TAPT1: variants seen among roughly 807,000 people sequenced by gnomAD.
The protein encoded by TAPT1 is transmembrane anterior posterior transformation protein 1 homolog.
In TAPT1, 28 loss-of-function variants were observed where a neutral mutation model predicts 65.6. The ratio of observed to expected loss-of-function variants is 0.43; its 90% CI spans 0.32 to 0.59. TAPT1 has a LOEUF of 0.59. Ranked by LOEUF, TAPT1 falls within the 20% of genes least tolerant of loss-of-function variation. The probability of loss-of-function intolerance (pLI) is 0.09; values close to 1 mark genes in which losing one functional copy is unlikely to be tolerated. For synonymous variants in TAPT1, 278 were observed against 245.2 expected (o/e 1.13, Z -1.25); for missense variants, 563 against 679.9 (o/e 0.83, Z 1.91).
chr4:16,226,514 G>GCCCCCTCCCCGCCTCGCCCCGC (rs1751577815), upstream of TAPT1: 4 of 983,132 alleles, frequency 4.1e-6, no homozygotes, highest in Non-Finnish European at 2.4e-6. Context: ...CCTCCGGCCG[G>GCCCCCTCCCCGCCTCGCCCCGC]CCCCCTCCCC....
chr4:16,165,414 C>G (rs1165595256), intron 13 of TAPT1, among the ~76,000 whole-genome samples: 11 of 151,628 alleles, frequency 7.3e-5, no homozygotes, highest in Admixed American at 7.2e-4. Context: ...ACTAAAAATA[C>G]AAAAAATTAG....
chr4:16,209,103 T>G (rs372918459), intron 2 of TAPT1, among the ~76,000 whole-genome samples: 2 of 152,146 alleles, frequency 1.3e-5, no homozygotes, highest in African/African-American at 4.8e-5. Flanking sequence ...CTTTCCAGCA[T>G]GTGTCGGTGG....
At chr4:16,189,958 C>T (rs755002581) in intron 4 of TAPT1, 2 of 152,324 alleles carry the variant, frequency 1.3e-5, no homozygotes, top group Non-Finnish European at 2.9e-5. Flanking sequence ...GGGAATGAGG[C>T]CTAGGCTCTT....
At chr4:16,219,377 C>G (rs1230635649) in intron 1 of TAPT1, among the ~76,000 whole-genome samples, 1 of 152,222 alleles carries the variant, frequency 6.6e-6, no homozygotes, top group Non-Finnish European at 1.5e-5. Flanking sequence ...TGAAGCTACA[C>G]TCTTTACTAG....
intron 7 of TAPT1, 24 bp downstream of exon 7, chr4:16,186,511 C>G (rs1749025726): frequency 6.8e-7 from 1 of 1,461,206 alleles, no homozygotes; most frequent in Non-Finnish European, 9.3e-7. Context: ...CACAGAACTT[C>G]AAGTAGAATC....
At chr4:16,182,328 T>A (rs1360907236) in intron 7 of TAPT1, among the ~76,000 whole-genome samples, 1 of 152,212 alleles carries the variant, frequency 6.6e-6, no homozygotes, top group East Asian at 1.9e-4. Flanking sequence ...TACCATCTCA[T>A]CTTCAGAATA....
intron 2 of TAPT1, among the ~76,000 whole-genome samples, chr4:16,208,428 A>T (rs147820983): frequency 1.6e-4 from 25 of 152,344 alleles, no homozygotes; most frequent in South Asian, 1.5e-3. Flanking sequence ...AGTTTGGACA[A>T]TAAGACAGAA....
intron 4 of TAPT1, among the ~76,000 whole-genome samples, chr4:16,189,827 T>C (rs964191800): frequency 1.3e-5 from 2 of 152,202 alleles, no homozygotes; most frequent in Non-Finnish European, 2.9e-5. Context: ...TGAGAGGGCT[T>C]TGTAAGTCAG....
At chr4:16,224,534 C>G (rs2108905017) in intron 1 of TAPT1, among the ~76,000 whole-genome samples, 1 of 152,294 alleles carries the variant, frequency 6.6e-6, no homozygotes, top group East Asian at 1.9e-4. Flanking sequence ...AAATCCTGAT[C>G]GCCAAGGCTA....
At chr4:16,175,190 T>C (rs978678832) in intron 9 of TAPT1, 3 of 152,228 alleles carry the variant, frequency 2.0e-5, no homozygotes, top group African/African-American at 4.8e-5. Flanking sequence ...CACTTGTGAA[T>C]GATCATTACC....
intron 3 of TAPT1, among the ~76,000 whole-genome samples, chr4:16,200,632 G>C (rs139758651): frequency 6.6e-6 from 1 of 152,100 alleles, no homozygotes; most frequent in Non-Finnish European, 1.5e-5. Context: ...AGCAATATTA[G>C]TAATTTTATG....
chr4:16,180,153 A>G (rs1452065198), intron 7 of TAPT1, among the ~76,000 whole-genome samples: 2 of 152,174 alleles, frequency 1.3e-5, no homozygotes, highest in African/African-American at 2.4e-5. Context: ...TGCTACTACA[A>G]TAGCATTTCC....
chr4:16,226,174 G>C, intron 1 of TAPT1, 85 bp downstream of exon 1: 1 of 1,058,388 alleles, frequency 9.4e-7, no homozygotes, highest in Non-Finnish European at 1.1e-6. Flanking sequence ...GCGGCTCGGG[G>C]GCCGGGGTTC....
At chr4:16,165,422 T>G (rs1418001208) in intron 13 of TAPT1, among the ~76,000 whole-genome samples, 1 of 151,308 alleles carries the variant, frequency 6.6e-6, no homozygotes, top group Middle Eastern at 3.2e-3. Context: ...TACAAAAAAT[T>G]AGCTGGGCGT....
rs763277515 is a variant in TAPT1, at chr4:16,166,790, C to T, written c.1317G>A (p.Leu439=). 30 of 1,613,360 alleles carry T rather than the reference C, an allele frequency of 1.9e-5. No individual in the cohort carries two copies. The African/African-American group carries it at 3.9e-4, about 21-fold the overall frequency. ...YACVILFYFG[L]ISLKVLNSIV... ...TGCTATTAAGTACTTTCAGGGATAT[C>T]AACCTAAAAACAGAAACAAAACAAA... is the stretch of plus-strand genomic sequence containing the variant. The change falls in exon 13 of 14, where the codon TTG becomes TTA. Residue 439 remains leucine, a synonymous_variant. Coordinates refer to ENST00000405303, the MANE Select transcript of TAPT1 (RefSeq NM_153365.3).
At chr4:16,215,951 A>C (rs1750917647) in intron 1 of TAPT1, 1 of 152,234 alleles carries the variant, frequency 6.6e-6, no homozygotes, top group East Asian at 1.9e-4. Flanking sequence ...TTTTCCAATC[A>C]GGAAAAAAAG....
rs777029268 is a variant in TAPT1 at position 16,188,300 on chromosome 4, C to T, written c.668G>A (p.Trp223Ter). 1 of 1,610,922 alleles carries T rather than the reference C, an allele frequency of 6.2e-7. No individual in the cohort carries two copies. The highest frequency in any genetic ancestry group is 1.1e-5 in the South Asian group (1 of 90,488). The change falls in exon 5 of 14, where the codon TGG (tryptophan) becomes TAG (stop). Residue 223 changes from tryptophan to a stop codon, truncating the protein, a stop_gained. Transcript: ENST00000405303. LOFTEE classifies it high-confidence loss of function. ...FGQDILDALY[W>*]TATEPKERKR... is the part of the protein sequence containing the mutation. ...TCTTTCTTTAGGCTCTGTTGCTGTC[C>T]AATAGAGAGCATCTAATATGTCTTG...
intron 3 of TAPT1, chr4:16,196,798 C>T (rs1439880339): frequency 1.1e-5 from 8 of 752,660 alleles, no homozygotes; most frequent in South Asian, 7.1e-5. Flanking sequence ...GGTGAGGAAA[C>T]GGGACAATAA....
intron 12 of TAPT1, among the ~76,000 whole-genome samples, chr4:16,169,925 C>T (rs893506188): frequency 6.6e-6 from 1 of 152,192 alleles, no homozygotes; most frequent in African/African-American, 2.4e-5. Flanking sequence ...TGGAGGGATT[C>T]AAGTTCGAAC....
Sources: gnomAD v4.1 joint callset for allele counts (sites outside exome capture counted in the v4.1 genomes callset) on GRCh38, gnomAD v4.1.1 for gene constraint, MANE v1.5 for transcripts, NCBI Gene and HGNC (gene_info 2026-07-23, HGNC 2026-07-21) for gene names.